The following ARHGAP40 variants were observed in gnomAD, a reference collection of about 807,000 sequenced individuals.
ARHGAP40 encodes rho GTPase-activating protein 40.
Under a neutral mutation model 73.5 loss-of-function variants are expected in ARHGAP40, and 43 were observed. The observed-to-expected ratio is 0.58, with a 90% CI of 0.46 to 0.75. The LOEUF (loss-of-function observed/expected upper bound fraction) is 0.75. Among genes scored for constraint, ARHGAP40 ranks in the 30% least tolerant of loss-of-function variants. The pLI, the probability that ARHGAP40 is intolerant of heterozygous loss-of-function variation, is 0.00. For synonymous variants in ARHGAP40, 300 were observed against 352.8 expected (o/e 0.85, Z 1.68); for missense variants, 734 against 861.8 (o/e 0.85, Z 1.86).
chr20:38,629,653 G>A lies in ARHGAP40; in HGVS notation c.783+3G>A. 1 of 1,305,316 alleles carries A rather than the reference G, an allele frequency of 7.7e-7. No homozygotes were observed. The highest frequency in any genetic ancestry group is 1.0e-6 in the Non-Finnish European group (1 of 988,892). The allele number at this position is 1,305,316 out of a possible 1,614,324, so 80.9% of individuals were successfully genotyped here. ...CCTGGGGCAAGTGTTCCCTGCCGGT[G>A]AGGATGCTGTCCACAGGGCTGGTTG... is the stretch of plus-strand genomic sequence containing the variant. On this transcript the variant is annotated splice_donor_region_variant and intron_variant, in intron 5 of 14. Coordinates refer to ENST00000373345, the Ensembl canonical transcript of ARHGAP40.
intron 6 of ARHGAP40, among the ~76,000 whole-genome samples, chr20:38,635,813 A>G (rs1299930467): frequency 1.3e-5 from 2 of 152,186 alleles, no homozygotes; most frequent in Non-Finnish European, 2.9e-5. Flanking sequence ...GGTTGTCATG[A>G]TAATGCTACA....
At chr20:38,612,468 G>A (rs547368811) in intron 1 of ARHGAP40, among the ~76,000 whole-genome samples, 3 of 152,312 alleles carry the variant, frequency 2.0e-5, no homozygotes, top group African/African-American at 7.2e-5. Context: ...GAGGTTGGGA[G>A]CTTGAGACCA....
chr20:38,634,697 T>G (rs2088962238), exon 6 of ARHGAP40: 1 of 1,305,270 alleles, frequency 7.7e-7, no homozygotes, highest in South Asian at 1.2e-5. Context: ...GGAAGGTACC[T>G]TCTCTGGCCC....
chr20:38,637,740 C>G, exon 7 of ARHGAP40: 1 of 1,305,360 alleles, frequency 7.7e-7, no homozygotes, highest in Non-Finnish European at 1.0e-6. Context: ...CCTTGACAGC[C>G]TGCTAGAAGC....
At chr20:38,622,208 G>C (rs993992845) in intron 1 of ARHGAP40, among the ~76,000 whole-genome samples, 1 of 151,974 alleles carries the variant, frequency 6.6e-6, no homozygotes. Context: ...ATGTTTATTG[G>C]TTTTCTTTGC....
At chr20:38,615,309 G>C in intron 1 of ARHGAP40, 1 of 774,244 alleles carries the variant, frequency 1.3e-6, no homozygotes, top group Middle Eastern at 2.5e-4. Flanking sequence ...CGACATTTCT[G>C]CTTTTGTTTC....
intron 1 of ARHGAP40, among the ~76,000 whole-genome samples, chr20:38,622,108 T>C (rs2088876609): frequency 6.6e-6 from 1 of 150,690 alleles, no homozygotes; most frequent in Admixed American, 6.6e-5. Context: ...CATATATATA[T>C]ATTTTTTTTT....
chr20:38,640,495 T>A (rs1417852206), intron 9 of ARHGAP40, among the ~76,000 whole-genome samples: 3 of 152,198 alleles, frequency 2.0e-5, no homozygotes, highest in African/African-American at 7.2e-5. Context: ...GTGATGAGGT[T>A]ACAGGCATGA....
chr20:38,645,573 G>T (rs2089046345), intron 11 of ARHGAP40, among the ~76,000 whole-genome samples: 1 of 152,168 alleles, frequency 6.6e-6, no homozygotes, highest in Admixed American at 6.5e-5. Flanking sequence ...CATGTTATTA[G>T]CAGGGTCCAT....
At chr20:38,637,626 G>C in intron 6 of ARHGAP40, 82 bp from the exon 7 acceptor site, 4 of 1,117,044 alleles carry the variant, frequency 3.6e-6, no homozygotes, top group Non-Finnish European at 4.9e-6. Flanking sequence ...TCTGATTCTA[G>C]TTGCCCAGGA....
chr20:38,618,204 A>C (rs984886864), intron 1 of ARHGAP40, among the ~76,000 whole-genome samples: 1 of 150,892 alleles, frequency 6.6e-6, no homozygotes, highest in African/African-American at 2.4e-5. Flanking sequence ...GGTTCAAGTG[A>C]TTCTCCTGCC....
chr20:38,622,575 G>A (rs146907257), intron 1 of ARHGAP40, among the ~76,000 whole-genome samples: 1 of 152,268 alleles, frequency 6.6e-6, no homozygotes, highest in Non-Finnish European at 1.5e-5. Context: ...GGAAGAAGAG[G>A]GGGATTAAAG....
chr20:38,622,691 C>T (rs2088879689), intron 1 of ARHGAP40, among the ~76,000 whole-genome samples: 1 of 152,194 alleles, frequency 6.6e-6, no homozygotes, highest in Non-Finnish European at 1.5e-5. Flanking sequence ...CCACATCCCT[C>T]CATGCCTGCA....
At position 38,646,855 on chromosome 20, in the gene ARHGAP40, G is replaced by T; in HGVS notation, c.1711-102G>T. 9.3e-7 allele frequency: 1 copy of T among 1,077,520 alleles called. No homozygotes were observed. The highest frequency in any genetic ancestry group is 1.7e-5 in the African/African-American group (1 of 60,508). The allele number at this position is 1,077,520 out of a possible 1,614,324, so 66.7% of individuals were successfully genotyped here. A position where few individuals can be genotyped will look rare whatever the true frequency, so the allele number is the denominator to read the frequency against. On this transcript the variant is annotated intron_variant, in intron 12 of 14. Coordinates refer to ENST00000373345, the Ensembl canonical transcript of ARHGAP40. This position sits in a 1 kb window ranked among gnomAD's most constrained non-coding sequence, Gnocchi z 4.5. ...GTGTATCTTGTGATTTTCAGCGTGG[G>T]CATTTGCGTAAGTGCCATGTATGCG... is the stretch of plus-strand genomic sequence containing the variant.
At chr20:38,640,418 C>T (rs188833185) in intron 9 of ARHGAP40, among the ~76,000 whole-genome samples, 1 of 152,170 alleles carries the variant, frequency 6.6e-6, no homozygotes, top group African/African-American at 2.4e-5. Flanking sequence ...ACGGGGGTCT[C>T]GCTATGTCGC....
chr20:38,637,167 C>T (rs569400464), intron 6 of ARHGAP40, among the ~76,000 whole-genome samples: 1 of 150,218 alleles, frequency 6.7e-6, no homozygotes, highest in Admixed American at 6.6e-5. Context: ...TTCTGTGAGA[C>T]AGAACTTTGC....
Position 38,612,691 on chromosome 20 carries a change from A to G in ARHGAP40, c.137+10612A>G, listed in dbSNP as rs112073523. 5.9e-3 allele frequency among the ~76,000 whole-genome samples: 900 copies of G among 152,174 alleles called. 9 individuals carry two copies. The highest frequency in any genetic ancestry group is 0.021 in the African/African-American group (868 of 41,478). ...TCTGAAAATGAAAGAAAAGAAAAGA[A>G]AAGAGATAAGAAAAGAAAAGGAAAG... On this transcript the variant is annotated intron_variant, in intron 1 of 14. Coordinates refer to ENST00000373345, the Ensembl canonical transcript of ARHGAP40.
intron 1 of ARHGAP40, among the ~76,000 whole-genome samples, chr20:38,609,110 C>T (rs1415892481): frequency 6.6e-6 from 1 of 152,206 alleles, no homozygotes; most frequent in African/African-American, 2.4e-5. Flanking sequence ...CCACCTTTGC[C>T]ATGTAACACA....
intron 3 of ARHGAP40, among the ~76,000 whole-genome samples, chr20:38,628,365 C>T (rs965610076): frequency 4.0e-5 from 6 of 151,264 alleles, no homozygotes; most frequent in East Asian, 1.9e-4. Flanking sequence ...AGTGCAGTGG[C>T]GACATCTCGA....
Sources: allele counts gnomAD v4.1 joint callset (sites outside exome capture counted in the v4.1 genomes callset), GRCh38; gene constraint gnomAD v4.1.1; non-coding constraint Gnocchi (gnomAD v3.1); transcripts MANE v1.5; gene names NCBI Gene and HGNC (gene_info 2026-07-23, HGNC 2026-07-21).